Variants in ALG14 observed in about 807,000 individuals in gnomAD.
ALG14 encodes the protein ALG14 UDP-N-acetylglucosaminyltransferase subunit.
Under a neutral mutation model 22.8 loss-of-function variants are expected in ALG14, and 17 were observed. The ratio of observed to expected loss-of-function variants is 0.75; its 90% CI spans 0.51 to 1.12. The LOEUF (loss-of-function observed/expected upper bound fraction) is 1.12, where lower values mean the gene tolerates loss of function less well. Ranked by LOEUF, ALG14 falls within the 50% of genes most tolerant of loss-of-function variation. ALG14 has a pLI of 0.00. For missense variants in ALG14, 288 were observed against 271.8 expected (o/e 1.06, Z -0.42); for synonymous variants, 89 against 103.7 (o/e 0.86, Z 0.86).
intron 3 of ALG14, among the ~76,000 whole-genome samples, chr1:95,006,511 G>A (rs1233727568): frequency 6.6e-6 from 1 of 152,160 alleles, no homozygotes; most frequent in African/African-American, 2.4e-5. Flanking sequence ...GGGAGAACCA[G>A]GAAGAGAGAT....
chr1:95,005,188 G>A (rs1464795750), intron 3 of ALG14, among the ~76,000 whole-genome samples: 1 of 152,168 alleles, frequency 6.6e-6, no homozygotes, highest in Non-Finnish European at 1.5e-5. Context: ...AAGTCTTTCA[G>A]GCGAAAAAGG....
intron 2 of ALG14, among the ~76,000 whole-genome samples, chr1:95,042,152 T>C (rs1477502676): frequency 6.6e-6 from 1 of 152,040 alleles, no homozygotes; most frequent in African/African-American, 2.4e-5. Flanking sequence ...CTTTAGAAAA[T>C]ACAGAAAAAT....
At chr1:95,050,397 G>C (rs967190994) in intron 2 of ALG14, among the ~76,000 whole-genome samples, 3 of 152,024 alleles carry the variant, frequency 2.0e-5, no homozygotes, top group African/African-American at 7.2e-5. Context: ...TACACAAATG[G>C]TGCAGAATAG....
intron 2 of ALG14, among the ~76,000 whole-genome samples, chr1:95,045,406 T>C (rs566736093): frequency 7.9e-5 from 12 of 152,236 alleles, no homozygotes; most frequent in African/African-American, 2.6e-4. Flanking sequence ...ACTTTTTCAT[T>C]TTAAGGAAAC....
intron 2 of ALG14, among the ~76,000 whole-genome samples, chr1:95,035,314 A>G (rs1329004811): frequency 6.6e-6 from 1 of 152,194 alleles, no homozygotes; most frequent in East Asian, 1.9e-4. Flanking sequence ...CTATTGGCCA[A>G]AGAAGTAAGA....
chr1:95,045,516 G>C (rs143701485), intron 2 of ALG14, among the ~76,000 whole-genome samples: 1 of 152,168 alleles, frequency 6.6e-6, no homozygotes, highest in African/African-American at 2.4e-5. Flanking sequence ...AAGAAGACTA[G>C]AGTCCAAATC....
chr1:95,027,241 T>C lies in ALG14; in HGVS notation c.308A>G (p.His103Arg). The C allele has an allele frequency of 1.2e-6, 2 of 1,614,044 alleles. No homozygotes were observed. The highest frequency in any genetic ancestry group is 1.7e-6 in the Non-Finnish European group (2 of 1,179,986). The stretch of plus-strand genomic sequence containing the variant: ...AACCTCCCGGCTTCTTGGAATTCGG[T>C]GAATGTAGTATTTGGTATACTAGAA... ...PSNMYTKYYI[H>R]RIPRSREVQQ... The change falls in exon 3 of 4, where the codon CAC becomes CGC. Residue 103 changes from histidine (H) to arginine (R), a missense_variant. Transcript: ENST00000370205.
Position 94,976,173 on chromosome 1 carries a change from T to G in ALG14, c.*6903A>C, listed in dbSNP as rs1672394338. On this transcript the variant is annotated 3_prime_UTR_variant, in exon 4 of 4. Transcript: ENST00000370205. ...CATACATCATCTGAATGTTTAGTGC[T>G]CCCTACAACTCTAACGCAGGTACAT... 6.6e-6 allele frequency: 1 copy of G among 151,962 alleles called. No homozygotes were observed. Among genetic ancestry groups the G allele is most frequent in the East Asian group, 1.9e-4 (1 of 5,164 alleles). 9.4% of individuals were successfully genotyped at this position (151,962 alleles called of 1,614,324 possible).
At position 94,982,970 on chromosome 1, in the gene ALG14, A is replaced by T; in HGVS notation, c.*106T>A. ...TTATTCCTTACCATCAATAATTCTC[A>T]GGACTGTCAGACGCCTTTACAAGAA... On this transcript the variant is annotated 3_prime_UTR_variant, in exon 4 of 4. Coordinates refer to ENST00000370205, the MANE Select transcript of ALG14 (RefSeq NM_144988.4). 1.2e-6 allele frequency: 1 copy of T among 862,576 alleles called. No individual in the cohort carries two copies. The highest frequency in any genetic ancestry group is 1.7e-5 in the South Asian group (1 of 59,658). The allele number at this position is 862,576 out of a possible 1,614,324, so 53.4% of individuals were successfully genotyped here. A position where few individuals can be genotyped will look rare whatever the true frequency, so the allele number is the denominator to read the frequency against.
At chr1:95,029,837 G>C (rs1223105658) in intron 2 of ALG14, among the ~76,000 whole-genome samples, 2 of 152,190 alleles carry the variant, frequency 1.3e-5, no homozygotes, top group African/African-American at 4.8e-5. Flanking sequence ...TACCAGTGTA[G>C]AATGGGAGAC....
In ALG14 at chr1:95,027,240, G is replaced by A. The variant is rs762460531; in HGVS notation, c.309C>T (p.His103=). Residue 103 remains histidine (H), a synonymous_variant, in exon 3 of 4, where the codon CAC becomes CAT. Transcript: ENST00000370205. ...PSNMYTKYYI[H]RIPRSREVQQ... ...GAACCTCCCGGCTTCTTGGAATTCG[G>A]TGAATGTAGTATTTGGTATACTAGA... The A allele has an allele frequency of 1.2e-6, 2 of 1,614,020 alleles. No individual in the cohort carries two copies. Among genetic ancestry groups the A allele is most frequent in the African/African-American group, 1.3e-5 (1 of 74,922 alleles).
Position 95,001,333 on chromosome 1 carries a change from C to G in ALG14, c.421-18027G>C, listed in dbSNP as rs184838660. ...TCGGTTGTCAACATGTGACCATGCT[C>G]TACACCCCGACTGGTGTGCTGGATA... On this transcript the variant is annotated intron_variant, in intron 3 of 3. Coordinates refer to ENST00000370205, the MANE Select transcript of ALG14 (RefSeq NM_144988.4). Among the ~76,000 whole-genome samples the G allele has an allele frequency of 2.0e-3, 301 of 152,322 alleles. 2 individuals carry two copies. The highest frequency in any genetic ancestry group is 3.1e-3 in the Non-Finnish European group (213 of 68,036).
chr1:94,988,581 G>A (rs1672696138), intron 3 of ALG14, among the ~76,000 whole-genome samples: 2 of 152,132 alleles, frequency 1.3e-5, no homozygotes, highest in African/African-American at 4.8e-5. Context: ...GCAGGGCTGG[G>A]GAAAGGGTTT....
At chr1:95,005,565 A>G (rs560538010) in intron 3 of ALG14, among the ~76,000 whole-genome samples, 2 of 152,328 alleles carry the variant, frequency 1.3e-5, no homozygotes, top group East Asian at 1.9e-4. Flanking sequence ...TCTTAGTTCA[A>G]TTTGGAAAAA....
rs1437458066 is a variant in ALG14, at chr1:94,983,026, G to A, written c.*50C>T. 7.2e-6 allele frequency: 11 copies of A among 1,517,530 alleles called. No homozygotes were observed. Among genetic ancestry groups the A allele is most frequent in the Non-Finnish European group, 1.0e-5 (11 of 1,094,692 alleles). The allele number at this position is 1,517,530 out of a possible 1,614,324, so 94.0% of individuals were successfully genotyped here. ...TAGGGTTTTTTTCCCCCCAATTTGA[G>A]TACATACTACTGTTAACTGCAAAAT... is the stretch of plus-strand genomic sequence containing the variant. On this transcript the variant is annotated 3_prime_UTR_variant, in exon 4 of 4. Transcript: ENST00000370205.
At chr1:95,023,989 A>T (rs1233775603) in intron 3 of ALG14, among the ~76,000 whole-genome samples, 1 of 152,242 alleles carries the variant, frequency 6.6e-6, no homozygotes, top group Non-Finnish European at 1.5e-5. Context: ...CAAGAACTTT[A>T]TAGATCTTTT....
In ALG14 at chr1:95,010,040, G is replaced by T. The variant is rs1260006975; in HGVS notation, c.420+17089C>A. Among the ~76,000 whole-genome samples the T allele has an allele frequency of 2.0e-5, 3 of 152,154 alleles. No homozygotes were observed. The East Asian group carries it at 5.8e-4, about 29-fold the overall frequency. Reference sequence around the variant, plus strand: ...AATTACAGATAGCAATGATAAATTTGGGGTTTTAACTATGATCCATGAATG... The same window carrying T: ...AATTACAGATAGCAATGATAAATTTTGGGTTTTAACTATGATCCATGAATG... On this transcript the variant is annotated intron_variant, in intron 3 of 3. Coordinates refer to ENST00000370205, the MANE Select transcript of ALG14 (RefSeq NM_144988.4).
chr1:95,027,304 A>G (rs1571621795), intron 2 of ALG14, 44 bp from the exon 3 acceptor site: 4 of 1,604,676 alleles, frequency 2.5e-6, no homozygotes, highest in Non-Finnish European at 3.4e-6. Context: ...AGTCACTGAT[A>G]TCAAAGTTAA....
rs117261657 is a variant in ALG14, at chr1:95,053,480, C to G, written c.288+11386G>C. On this transcript the variant is annotated intron_variant, in intron 2 of 3. Transcript: ENST00000370205. ...AGAATGCAAAAATATGTACAGAAAG[C>G]TAACAAATACAAAGAAAAAAGACCA... Among the ~76,000 whole-genome samples the G allele has an allele frequency of 7.8e-4, 119 of 152,210 alleles. 2 individuals carry two copies. The East Asian group carries it at 0.022, about 28-fold the overall frequency.
Sources: allele counts gnomAD v4.1 joint callset (sites outside exome capture counted in the v4.1 genomes callset), GRCh38; gene constraint gnomAD v4.1.1; transcripts MANE v1.5; gene names NCBI Gene and HGNC (gene_info 2026-07-23, HGNC 2026-07-21).